The following OR3A3 variants were observed in gnomAD, a reference collection of about 807,000 sequenced individuals.
The protein encoded by OR3A3 is olfactory receptor 3A3.
For synonymous variants in OR3A3, 103 were observed against 163.9 expected (o/e 0.63, Z 2.84); for missense variants, 275 against 391.4 (o/e 0.70, Z 2.51).
At chr17:3,422,979 G>A (rs2072445848) in exon 3 of OR3A3, 1 of 152,182 alleles carries the variant, frequency 6.6e-6, no homozygotes, top group Non-Finnish European at 1.5e-5. Flanking sequence ...GAAGAGAGAA[G>A]TATGTCTCTT....
intron 2 of OR3A3, among the ~76,000 whole-genome samples, chr17:3,416,920 T>C (rs561168685): frequency 1.5e-4 from 23 of 152,148 alleles, no homozygotes; most frequent in Admixed American, 5.2e-4. Context: ...CTAGAACTTG[T>C]TCCTTTTATT....
exon 3 of OR3A3, chr17:3,420,640 G>A (rs1282739535): frequency 5.9e-6 from 9 of 1,518,344 alleles, no homozygotes; most frequent in African/African-American, 1.4e-5. Flanking sequence ...CATTCTACTG[G>A]GCCTAGTGCA....
intron 2 of OR3A3, among the ~76,000 whole-genome samples, chr17:3,414,911 AAAT>A (rs199823250): frequency 1.6e-3 from 226 of 142,576 alleles, no homozygotes; most frequent in Admixed American, 3.5e-3. Flanking sequence ...ATCATTAAAA[AAAT>A]AATATAGGTA....
chr17:3,412,934 A>G (rs561311035), intron 2 of OR3A3, among the ~76,000 whole-genome samples: 1 of 152,312 alleles, frequency 6.6e-6, no homozygotes, highest in African/African-American at 2.4e-5. Context: ...ATGTGTCCGG[A>G]AAGTCTTCCA....
At chr17:3,413,990 T>C (rs980708463) in intron 2 of OR3A3, among the ~76,000 whole-genome samples, 5 of 152,172 alleles carry the variant, frequency 3.3e-5, no homozygotes, top group Non-Finnish European at 7.4e-5. Context: ...CAGCCTCACA[T>C]TGGAGACATC....
chr17:3,414,859 A>C (rs927417792), intron 2 of OR3A3, among the ~76,000 whole-genome samples: 2 of 152,206 alleles, frequency 1.3e-5, no homozygotes, highest in Non-Finnish European at 2.9e-5. Context: ...AGCCACTGAG[A>C]GGGTGGGAAT....
exon 3 of OR3A3, chr17:3,422,260 A>G (rs2072439789): frequency 6.6e-6 from 1 of 152,248 alleles, no homozygotes; most frequent in Non-Finnish European, 1.5e-5. Flanking sequence ...CTAGAGAAGG[A>G]AAGAGCTACT....
At chr17:3,419,998 A>T (rs903814695) in intron 2 of OR3A3, among the ~76,000 whole-genome samples, 1 of 151,988 alleles carries the variant, frequency 6.6e-6, no homozygotes, top group African/African-American at 2.4e-5. Flanking sequence ...CAATCTCCTG[A>T]CCTCGTGATC....
chr17:3,413,542 C>T (rs541691485), intron 2 of OR3A3, among the ~76,000 whole-genome samples: 2 of 152,164 alleles, frequency 1.3e-5, no homozygotes, highest in African/African-American at 2.4e-5. Context: ...TGGATGGATG[C>T]GGTGGCTCAC....
At chr17:3,417,784 A>G (rs1282725633) in intron 2 of OR3A3, among the ~76,000 whole-genome samples, 1 of 152,162 alleles carries the variant, frequency 6.6e-6, no homozygotes, top group Non-Finnish European at 1.5e-5. Context: ...TTCTCATTCT[A>G]TTGTAAGTGA....
intron 2 of OR3A3, among the ~76,000 whole-genome samples, chr17:3,416,739 T>G (rs1331628812): frequency 6.6e-6 from 1 of 152,104 alleles, no homozygotes; most frequent in African/African-American, 2.4e-5. Flanking sequence ...GGGAGTACAC[T>G]GTGATGTGTG....
intron 2 of OR3A3, among the ~76,000 whole-genome samples, chr17:3,417,833 T>G (rs2072401410): frequency 6.6e-6 from 1 of 152,228 alleles, no homozygotes; most frequent in Non-Finnish European, 1.5e-5. Context: ...TTCATTATTT[T>G]TTAATTACAA....
intron 2 of OR3A3, among the ~76,000 whole-genome samples, chr17:3,415,660 G>T (rs898444204): frequency 2.7e-5 from 4 of 150,512 alleles, no homozygotes; most frequent in Non-Finnish European, 5.9e-5. Context: ...TCAGAACAAT[G>T]TTAAATAATA....
At position 3,421,255 on chromosome 17, in the gene OR3A3, G is replaced by A. The variant is rs201991029; in HGVS notation, c.670G>A (p.Val224Met). The A allele has an allele frequency of 1.7e-5, 28 of 1,614,110 alleles. No individual in the cohort carries two copies. The highest frequency in any genetic ancestry group is 6.7e-5 in the Admixed American group (4 of 60,008). The change falls in exon 3 of 3, where the codon GTG becomes ATG. Residue 224 changes from valine to methionine, a missense_variant. Transcript: ENST00000641141. ...CTTCATCAGTGTGTCCTATGCCCAT[G>A]TGGTAGCTGCTGTGCTGCAAATCCG...
At chr17:3,419,765 A>C (rs1414262236) in intron 2 of OR3A3, among the ~76,000 whole-genome samples, 2 of 120,530 alleles carry the variant, frequency 1.7e-5, no homozygotes, top group Admixed American at 1.2e-4. Context: ...ACGGAGTCTC[A>C]CTCTGTCGCC....
At chr17:3,422,411 C>T (rs981139931) in exon 3 of OR3A3, 1 of 152,120 alleles carries the variant, frequency 6.6e-6, no homozygotes, top group South Asian at 2.1e-4. Flanking sequence ...AAACAGTAAG[C>T]GTTTATGTTC....
At position 3,411,973 on chromosome 17, in the gene OR3A3, C is replaced by T. The variant is rs1457942091; in HGVS notation, c.-200-5C>T. Reference sequence around the variant, plus strand: ...TGTCTCTCCCCCCATCCTTCTCTCTCCTAGGAGAGCCAGTTTCTGAGTGCC... The same window carrying T: ...TGTCTCTCCCCCCATCCTTCTCTCTTCTAGGAGAGCCAGTTTCTGAGTGCC... On this transcript the variant is annotated splice_polypyrimidine_tract_variant and splice_region_variant and intron_variant, in intron 1 of 2. Coordinates refer to ENST00000641141, the Ensembl canonical transcript of OR3A3. 2 of 151,774 alleles carry T rather than the reference C, an allele frequency of 1.3e-5. No homozygotes were observed. 9.4% of individuals were successfully genotyped at this position (151,774 alleles called of 1,614,324 possible). A position where few individuals can be genotyped will look rare whatever the true frequency, so the allele number is the denominator to read the frequency against.
At chr17:3,417,950 T>G (rs895137943) in intron 2 of OR3A3, among the ~76,000 whole-genome samples, 5 of 152,214 alleles carry the variant, frequency 3.3e-5, no homozygotes, top group South Asian at 2.1e-4. Flanking sequence ...TGGAAAGTTT[T>G]ATTTTGTCTA....
intron 2 of OR3A3, among the ~76,000 whole-genome samples, chr17:3,418,293 G>C (rs542313641): frequency 6.6e-6 from 1 of 152,238 alleles, no homozygotes; most frequent in East Asian, 1.9e-4. Flanking sequence ...TGAATCGAAA[G>C]GTTTCTCAGC....
Sources: gnomAD v4.1 joint callset for allele counts (sites outside exome capture counted in the v4.1 genomes callset) on GRCh38, gnomAD v4.1.1 for gene constraint, MANE v1.5 for transcripts, NCBI Gene and HGNC (gene_info 2026-07-23, HGNC 2026-07-21) for gene names.